PADI4: variants seen among roughly 807,000 people sequenced by gnomAD.
PADI4 encodes the protein protein-arginine deiminase type-4.
In PADI4, 62 loss-of-function variants were observed where a neutral mutation model predicts 75.0. The ratio of observed to expected loss-of-function variants is 0.83; its 90% CI spans 0.67 to 1.02. The LOEUF (loss-of-function observed/expected upper bound fraction) is 1.02, where lower values mean the gene tolerates loss of function less well. Ranked by LOEUF, PADI4 falls within the 50% of genes least tolerant of loss-of-function variation. The pLI, the probability that PADI4 is intolerant of heterozygous loss-of-function variation, is 0.00. For synonymous variants in PADI4, 361 were observed against 348.1 expected (o/e 1.04, Z -0.41); for missense variants, 845 against 850.5 (o/e 0.99, Z 0.08).
In PADI4 at chr1:17,346,164, G is replaced by C. The variant is rs902236376; in HGVS notation, c.1047+25G>C. Reference sequence around the variant, plus strand: ...GGTATGTGCCCTGCGGGGCAGGCAGGGTGACTGTCCCTGAGGGCCAAGAGA... The same window carrying C: ...GGTATGTGCCCTGCGGGGCAGGCAGCGTGACTGTCCCTGAGGGCCAAGAGA... On this transcript the variant is annotated intron_variant, in intron 9 of 15. Coordinates refer to ENST00000375448, the MANE Select transcript of PADI4 (RefSeq NM_012387.3). This position sits in a 1 kb window ranked among gnomAD's most constrained non-coding sequence, Gnocchi z 4.3. 26 of 1,488,116 alleles carry C rather than the reference G, an allele frequency of 1.7e-5. No homozygotes were observed. Among genetic ancestry groups the C allele is most frequent in the Non-Finnish European group, 2.3e-5 (24 of 1,066,122 alleles). 92.2% of individuals were successfully genotyped at this position (1,488,116 alleles called of 1,614,324 possible).
chr1:17,353,599 C>CGGTG lies in PADI4; in HGVS notation c.1156-932_1156-929dup, dbSNP rs1266413187. On this transcript the variant is annotated intron_variant, in intron 10 of 15. Transcript: ENST00000375448. The stretch of plus-strand genomic sequence containing the variant: ...TCTCCTGGGAGGCAGGGGAGATGGG[C>CGGTG]GGTGGACTGAATAATGGCCCCTCTA... Among the ~76,000 whole-genome samples, 17 of 152,168 alleles carry CGGTG rather than the reference C, an allele frequency of 1.1e-4. No individual in the cohort carries two copies. In the East Asian group the frequency reaches 3.1e-3, roughly 28 times the overall value.
In PADI4 at chr1:17,336,183, C is replaced by G. The variant is rs758976399; in HGVS notation, c.365C>G (p.Thr122Ser). Residue 122 changes from threonine to serine, a missense_variant, in exon 4 of 16, where the codon ACC (threonine) becomes AGC (serine). By Grantham distance (58) the Thr-to-Ser change is moderately conservative (BLOSUM62 1). Transcript: ENST00000375448. Reference sequence around the variant, plus strand: ...GAAATCTCCTTGTGCGCAGACATCACCCGCACCGGCAAAGTGAAGCCAACC... The same window carrying G: ...GAAATCTCCTTGTGCGCAGACATCAGCCGCACCGGCAAAGTGAAGCCAACC... The part of the protein sequence containing the change: ...GVEISLCADI[T>S]RTGKVKPTRA... 1 of 1,613,446 alleles carries G rather than the reference C, an allele frequency of 6.2e-7. No homozygotes were observed. Among genetic ancestry groups the G allele is most frequent in the South Asian group, 1.1e-5 (1 of 91,074 alleles).
chr1:17,317,815 G>C (rs2073966702), intron 1 of PADI4, among the ~76,000 whole-genome samples: 1 of 151,652 alleles, frequency 6.6e-6, no homozygotes, highest in African/African-American at 2.4e-5. Context: ...GAGGCCAGGA[G>C]TTCGAGACCA....
chr1:17,309,243 ATTGCTCCTCTTT>A (rs1294169644), intron 1 of PADI4, among the ~76,000 whole-genome samples: 1 of 149,980 alleles, frequency 6.7e-6, no homozygotes, highest in Non-Finnish European at 1.5e-5. Context: ...AGTGAGCCTT[ATTGCTCCTCTTT>A]TTCCAGGCAT....
chr1:17,316,719 T>A (rs372683222), intron 1 of PADI4, among the ~76,000 whole-genome samples: 66,805 of 130,938 alleles, frequency 0.51, 15,772 homozygotes, highest in Middle Eastern at 0.6. Context: ...ATTAATTAAT[T>A]AATTAATTAA....
At chr1:17,362,588 G>T (rs918695084) in intron 15 of PADI4, among the ~76,000 whole-genome samples, 1 of 152,078 alleles carries the variant, frequency 6.6e-6, no homozygotes, top group African/African-American at 2.4e-5. Flanking sequence ...TATCGGGTAC[G>T]ATGTTCATTG....
Position 17,331,092 on chromosome 1 carries a change from T to C in PADI4, c.216T>C (p.Pro72=). 2 of 1,612,410 alleles carry C rather than the reference T, an allele frequency of 1.2e-6. No homozygotes were observed. Among genetic ancestry groups the C allele is most frequent in the African/African-American group, 1.3e-5 (1 of 74,966 alleles). The change falls in exon 2 of 16, where the codon CCT becomes CCC. Residue 72 remains proline, a synonymous_variant. Coordinates refer to ENST00000375448, the MANE Select transcript of PADI4 (RefSeq NM_012387.3). The stretch of plus-strand genomic sequence containing the variant: ...GTTCCTCCACATGGCCCCTGGACCC[T>C]GGGGTAGAGGTGACCCTGACGATGA... ...STGSSTWPLD[P]GVEVTLTMKV... is the part of the protein sequence containing the mutation.
At chr1:17,353,111 C>T (rs981919806) in intron 10 of PADI4, among the ~76,000 whole-genome samples, 19 of 152,018 alleles carry the variant, frequency 1.2e-4, no homozygotes, top group Non-Finnish European at 2.2e-4. Flanking sequence ...GCGGGAGAAG[C>T]GGGTTGGTCT....
intron 1 of PADI4, among the ~76,000 whole-genome samples, chr1:17,317,600 A>G (rs1325556831): frequency 6.6e-6 from 1 of 152,114 alleles, no homozygotes; most frequent in Non-Finnish European, 1.5e-5. Flanking sequence ...TGTCCTGTGC[A>G]TCATGGCATG....
intron 1 of PADI4, among the ~76,000 whole-genome samples, chr1:17,315,980 C>T (rs371010187): frequency 7.2e-5 from 11 of 152,008 alleles, no homozygotes; most frequent in East Asian, 5.8e-4. Flanking sequence ...CCTCCTCTCT[C>T]GGCCCCTATC....
chr1:17,345,668 A>C (rs937857385), intron 8 of PADI4, among the ~76,000 whole-genome samples: 1 of 151,394 alleles, frequency 6.6e-6, no homozygotes, highest in African/African-American at 2.4e-5. Flanking sequence ...CTTCTTCCTC[A>C]TTTTCTCTTG....
intron 1 of PADI4, among the ~76,000 whole-genome samples, chr1:17,314,913 T>C (rs138688698): frequency 2.0e-5 from 3 of 152,188 alleles, no homozygotes; most frequent in Non-Finnish European, 2.9e-5. Flanking sequence ...TGCTGTGGTA[T>C]GTGGTGTGTT....
chr1:17,355,887 AG>A (rs1444253326), intron 11 of PADI4, 95 bp from the exon 12 acceptor site: 2 of 1,241,068 alleles, frequency 1.6e-6, no homozygotes, highest in Non-Finnish European at 2.4e-6. Flanking sequence ...TCTCAGCTGA[AG>A]GAGAACCCTG....
intron 1 of PADI4, among the ~76,000 whole-genome samples, chr1:17,311,202 G>A (rs1286313209): frequency 6.6e-6 from 1 of 151,990 alleles, no homozygotes; most frequent in Non-Finnish European, 1.5e-5. Context: ...GGTGGAGGTT[G>A]CAGTGAGGCA....
At chr1:17,336,277 G>T (rs1442462400) in intron 4 of PADI4, 51 bp downstream of exon 4, 2 of 1,470,402 alleles carry the variant, frequency 1.4e-6, no homozygotes, top group African/African-American at 1.4e-5. Flanking sequence ...TTCTCCCCGG[G>T]CGCCCCCTTG....
intron 10 of PADI4, among the ~76,000 whole-genome samples, chr1:17,352,214 G>C (rs2074672839): frequency 8.7e-6 from 1 of 114,444 alleles, no homozygotes; most frequent in East Asian, 2.2e-4. Context: ...GGTGGTAAGA[G>C]GGGTGGTCAG....
At chr1:17,330,795 A>G (rs2074196583) in intron 1 of PADI4, among the ~76,000 whole-genome samples, 174 bp from the exon 2 acceptor site, 1 of 152,186 alleles carries the variant, frequency 6.6e-6, no homozygotes, top group Non-Finnish European at 1.5e-5. Flanking sequence ...CTCAAATGCC[A>G]ACCTCCTCTG....
At chr1:17,337,955 G>T in intron 4 of PADI4, 83 bp from the exon 5 acceptor site, 1 of 627,038 alleles carries the variant, frequency 1.6e-6, no homozygotes, top group Admixed American at 2.6e-5. Flanking sequence ...AAAAAGAGGT[G>T]ATGGGGAGTT....
rs12757498 is a variant in PADI4 at position 17,353,931 on chromosome 1, C to A, written c.1156-602C>A. Among the ~76,000 whole-genome samples the A allele has an allele frequency of 9.6e-3, 1,462 of 152,254 alleles. 18 individuals are homozygous for A. The highest frequency in any genetic ancestry group is 0.017 in the Middle Eastern group (5 of 294). ...AGTGGAACTGATTTCACACTTCTGG[C>A]CTCCAGAATTTTAAGAGAATAAATG... On this transcript the variant is annotated intron_variant, in intron 10 of 15. Coordinates refer to ENST00000375448, the MANE Select transcript of PADI4 (RefSeq NM_012387.3).
Sources: gnomAD v4.1 joint callset for allele counts (sites outside exome capture counted in the v4.1 genomes callset) on GRCh38, gnomAD v4.1.1 for gene constraint, Gnocchi (gnomAD v3.1) non-coding constraint, MANE v1.5 for transcripts, NCBI Gene and HGNC (gene_info 2026-07-23, HGNC 2026-07-21) for gene names.